ATP8A2: variants seen among roughly 807,000 people sequenced by gnomAD.
The protein encoded by ATP8A2 is phospholipid-transporting ATPase IB.
In ATP8A2, 100 loss-of-function variants were observed where a neutral mutation model predicts 165.6. The observed-to-expected ratio is 0.60, with a 90% CI of 0.51 to 0.71. The LOEUF (loss-of-function observed/expected upper bound fraction) is 0.71. Among genes scored for constraint, ATP8A2 ranks in the 30% least tolerant of loss-of-function variants. The probability of loss-of-function intolerance (pLI) is 0.00; values close to 1 mark genes in which losing one functional copy is unlikely to be tolerated. For missense variants in ATP8A2, 1,227 were observed against 1,479.5 expected (o/e 0.83, Z 2.80); for synonymous variants, 543 against 548.8 (o/e 0.99, Z 0.15).
At chr13:26,019,782 T>A (rs550894102) in intron 36 of ATP8A2, 106 bp from the exon 37 acceptor site, 8 of 724,574 alleles carry the variant, frequency 1.1e-5, no homozygotes, top group African/African-American at 1.8e-5. Flanking sequence ...GGAGGCCAGA[T>A]GTCGCACTCA....
chr13:25,372,286 T>C lies in ATP8A2; in HGVS notation c.74T>C (p.Val25Ala). The change falls in exon 1 of 37, where the codon GTG (valine) becomes GCG (alanine). Residue 25 changes from valine (V) to alanine (A), a missense_variant and splice_region_variant. Physicochemically the swap from Val to Ala is moderately conservative, Grantham distance 64. Around this residue, in one of 5 missense-constraint regions of ATP8A2, gnomAD observed 356 missense variants for 394.9 expected, o/e 0.90. Transcript: ENST00000381655. The surrounding 1 kb of genome is among the most constrained non-coding windows in gnomAD (Gnocchi z 4.8). The stretch of plus-strand genomic sequence containing the variant: ...CGGAGGTCGAGGATCCGCTCGTCCG[T>C]GGGTGAGCTGGGAGGGGCGCGGCGA... ...LPRRSRIRSS[V>A]GPVRSSLGYK... 7.5e-7 allele frequency: 1 copy of C among 1,333,590 alleles called. No homozygotes were observed. The highest frequency in any genetic ancestry group is 2.5e-5 in the Admixed American group (1 of 39,298). 82.6% of individuals were successfully genotyped at this position (1,333,590 alleles called of 1,614,324 possible).
At chr13:25,995,936 T>A (rs1956491964) in intron 35 of ATP8A2, among the ~76,000 whole-genome samples, 1 of 152,184 alleles carries the variant, frequency 6.6e-6, no homozygotes, top group Non-Finnish European at 1.5e-5. Context: ...AGTTTTAGCT[T>A]CACATATTTT....
chr13:26,005,429 C>A (rs1956718794), intron 35 of ATP8A2, among the ~76,000 whole-genome samples: 1 of 151,852 alleles, frequency 6.6e-6, no homozygotes, highest in African/African-American at 2.4e-5. Flanking sequence ...TTTTTGTAGT[C>A]TCTGTTTCAT....
At chr13:25,866,583 C>A (rs982866664) in intron 33 of ATP8A2, among the ~76,000 whole-genome samples, 14 of 152,040 alleles carry the variant, frequency 9.2e-5, no homozygotes, top group African/African-American at 2.9e-4. Flanking sequence ...CCCCCACCCC[C>A]CAAAAATATG....
At chr13:25,718,825 C>T (rs61947331) in intron 25 of ATP8A2, among the ~76,000 whole-genome samples, 5,752 of 152,268 alleles carry the variant, frequency 0.038, 165 homozygotes, top group Middle Eastern at 0.095. Flanking sequence ...ATAGATGAAA[C>T]TTAGAGGCGT....
chr13:25,703,153 C>T (rs1045052309), intron 25 of ATP8A2, among the ~76,000 whole-genome samples: 1 of 152,166 alleles, frequency 6.6e-6, no homozygotes, highest in African/African-American at 2.4e-5. Context: ...TATCTCAGCC[C>T]ACTGCAACCT....
At chr13:25,832,959 AAG>A (rs1367606805) in intron 28 of ATP8A2, among the ~76,000 whole-genome samples, 8 of 151,676 alleles carry the variant, frequency 5.3e-5, no homozygotes, top group African/African-American at 2.0e-4. Context: ...TAGAAAACAA[AAG>A]AAAAAACAGT....
chr13:25,637,393 T>G (rs1016488284), intron 24 of ATP8A2, among the ~76,000 whole-genome samples: 4 of 152,126 alleles, frequency 2.6e-5, no homozygotes, highest in African/African-American at 9.6e-5. Flanking sequence ...ACCTGGAAAA[T>G]TGGGTCACTC....
At chr13:25,405,568 A>C (rs112191577) in intron 1 of ATP8A2, among the ~76,000 whole-genome samples, 3 of 151,968 alleles carry the variant, frequency 2.0e-5, no homozygotes, top group African/African-American at 4.8e-5. Flanking sequence ...GACCCTAAAG[A>C]GCTTATGCAG....
At position 25,412,429 on chromosome 13, in the gene ATP8A2, G is replaced by A. The variant is rs190694906; in HGVS notation, c.76+40141G>A. Among the ~76,000 whole-genome samples, 435 of 152,256 alleles carry A rather than the reference G, an allele frequency of 2.9e-3. 1 individual carries two copies. Among genetic ancestry groups the A allele is most frequent in the Middle Eastern group, 6.8e-3 (2 of 294 alleles). On this transcript the variant is annotated intron_variant, in intron 1 of 36. Transcript: ENST00000381655. ...TAACTTTGTTTCTGATGGAGGGCAC[G>A]CATCTGATTGTTTGGAGATCATCTG...
chr13:25,791,812 G>GAA (rs1174168047), intron 27 of ATP8A2, among the ~76,000 whole-genome samples: 5 of 152,166 alleles, frequency 3.3e-5, no homozygotes, highest in Non-Finnish European at 4.4e-5. Flanking sequence ...TCCGAAGATG[G>GAA]AAAATACATT....
chr13:25,978,856 C>G (rs1213542952), intron 35 of ATP8A2, among the ~76,000 whole-genome samples: 1 of 152,068 alleles, frequency 6.6e-6, no homozygotes, highest in Non-Finnish European at 1.5e-5. Flanking sequence ...AGGAGAATGA[C>G]GTGAACCCGG....
At chr13:25,927,877 A>G (rs1954656648) in intron 33 of ATP8A2, among the ~76,000 whole-genome samples, 1 of 152,222 alleles carries the variant, frequency 6.6e-6, no homozygotes, top group Admixed American at 6.5e-5. Flanking sequence ...TTATGTTGAT[A>G]CCATTTATCT....
At chr13:25,877,466 GT>G (rs1282178705) in intron 33 of ATP8A2, among the ~76,000 whole-genome samples, 1 of 152,114 alleles carries the variant, frequency 6.6e-6, no homozygotes, top group African/African-American at 2.4e-5. Flanking sequence ...TCTCCATGTT[GT>G]TTTACTTTGT....
At chr13:25,404,749 TG>T (rs959032678) in intron 1 of ATP8A2, among the ~76,000 whole-genome samples, 8 of 151,668 alleles carry the variant, frequency 5.3e-5, no homozygotes, top group Non-Finnish European at 1.0e-4. Flanking sequence ...GGTGTCTGTG[TG>T]GGGGAGGGCA....
intron 24 of ATP8A2, among the ~76,000 whole-genome samples, chr13:25,621,154 C>G (rs752962318): frequency 2.6e-5 from 4 of 152,158 alleles, no homozygotes; most frequent in Non-Finnish European, 4.4e-5. Context: ...ACCTTTGTGT[C>G]TGGCTCTTCA....
intron 1 of ATP8A2, among the ~76,000 whole-genome samples, chr13:25,393,437 A>G (rs2033316988): frequency 6.6e-6 from 1 of 151,890 alleles, no homozygotes; most frequent in South Asian, 2.1e-4. Flanking sequence ...GTTTTTTGAG[A>G]CAGGGTCTCA....
intron 35 of ATP8A2, among the ~76,000 whole-genome samples, chr13:25,991,418 A>G (rs952516731): frequency 4.6e-5 from 7 of 152,198 alleles, no homozygotes; most frequent in Admixed American, 2.6e-4. Flanking sequence ...GACACAGTCA[A>G]CACAAAACAT....
intron 2 of ATP8A2, among the ~76,000 whole-genome samples, chr13:25,494,772 C>T (rs1332785745): frequency 6.6e-6 from 1 of 152,182 alleles, no homozygotes; most frequent in African/African-American, 2.4e-5. Flanking sequence ...GTTTTGGACA[C>T]CTTCTGTCCG....
Sources: allele counts gnomAD v4.1 joint callset (sites outside exome capture counted in the v4.1 genomes callset), GRCh38; gene constraint gnomAD v4.1.1; regional missense constraint gnomAD v4.1.1; non-coding constraint Gnocchi (gnomAD v3.1); transcripts MANE v1.5; gene names NCBI Gene and HGNC (gene_info 2026-07-23, HGNC 2026-07-21).